Variants in PBRM1 observed in about 807,000 individuals in gnomAD.
The protein encoded by PBRM1 is polybromo 1, also known as protein polybromo-1.
Under a neutral mutation model 194.5 loss-of-function variants are expected in PBRM1, and 27 were observed. That is an observed-to-expected ratio of 0.14 (90% CI 0.10 to 0.19). The LOEUF (loss-of-function observed/expected upper bound fraction) is 0.19. Ranked by LOEUF, PBRM1 falls within the 10% of genes least tolerant of loss-of-function variation. PBRM1 has a pLI of 1.00. For missense variants in PBRM1, 1,466 were observed against 2,077.2 expected (o/e 0.71, Z 5.72); for synonymous variants, 655 against 693.2 (o/e 0.94, Z 0.87).
chr3:52,565,009 G>A (rs2084694160), intron 22 of PBRM1, among the ~76,000 whole-genome samples: 1 of 152,020 alleles, frequency 6.6e-6, no homozygotes, highest in Non-Finnish European at 1.5e-5. Flanking sequence ...ACCGTCCTTG[G>A]CCAACATGAT....
chr3:52,576,375 T>A (rs2153655699), intron 22 of PBRM1, among the ~76,000 whole-genome samples, 166 bp downstream of exon 24: 1 of 152,304 alleles, frequency 6.6e-6, no homozygotes, highest in Non-Finnish European at 1.5e-5. Flanking sequence ...TATTTATTTT[T>A]TAATTTATCG....
chr3:52,684,147 A>G, upstream of PBRM1, among the ~76,000 whole-genome samples: 1 of 139,656 alleles, frequency 7.2e-6, no homozygotes, highest in Non-Finnish European at 1.5e-5. Flanking sequence ...CAGCCTGGGC[A>G]ACAAAGTCAG....
At chr3:52,637,789 A>AAAAAAAAAAAAAAAAAAAAG (rs2095880128) in intron 10 of PBRM1, among the ~76,000 whole-genome samples, 1 of 146,206 alleles carries the variant, frequency 6.8e-6, no homozygotes, top group African/African-American at 2.5e-5. Flanking sequence ...AAAAAAAAAA[A>AAAAAAAAAAAAAAAAAAAAG]AAAAAAAATT....
chr3:52,604,548 C>A lies in PBRM1; in HGVS notation c.2568-816G>T, dbSNP rs143995457. On this transcript the variant is annotated intron_variant, in intron 16 of 29. Transcript: ENST00000296302. ...AGACGCTGTCTCAACAAAAAAGTAG[C>A]CTGGCATTGGGGTACACACTTGCAG... Among the ~76,000 whole-genome samples, 620 of 152,140 alleles carry A rather than the reference C, an allele frequency of 4.1e-3. 2 individuals are homozygous for A. Among genetic ancestry groups the A allele is most frequent in the Middle Eastern group, 0.01 (3 of 294 alleles).
intron 3 of PBRM1, among the ~76,000 whole-genome samples, chr3:52,665,206 G>A (rs931803286): frequency 6.6e-6 from 1 of 152,202 alleles, no homozygotes; most frequent in Non-Finnish European, 1.5e-5. Flanking sequence ...CCAGGCTGAA[G>A]TGCAGTGGCA....
intron 17 of PBRM1, among the ~76,000 whole-genome samples, chr3:52,593,234 G>A (rs1049262781): frequency 9.9e-5 from 15 of 152,042 alleles, no homozygotes; most frequent in African/African-American, 3.6e-4. Context: ...CTCCTATGAA[G>A]TTAGGTTGTT....
rs1341773121 is a variant in PBRM1 at position 52,675,975 on chromosome 3, C to T, written c.236+2525G>A. Among the ~76,000 whole-genome samples, 5 of 98,754 alleles carry T rather than the reference C, an allele frequency of 5.1e-5. 2 individuals are homozygous for T. The highest frequency in any genetic ancestry group is 4.7e-4 in the Admixed American group (4 of 8,582). The allele number at this position is 98,754 out of a possible 152,430, so 64.8% of individuals were successfully genotyped here. Reference sequence around the variant, plus strand: ...CTAAAAATACAAAAAATTAGCCGGGCGTAGTGGCGGGCGCCTGTAGTCCCA... The same window carrying T: ...CTAAAAATACAAAAAATTAGCCGGGTGTAGTGGCGGGCGCCTGTAGTCCCA... On this transcript the variant is annotated intron_variant, in intron 2 of 29. Coordinates refer to ENST00000296302, the Ensembl canonical transcript of PBRM1.
At chr3:52,572,225 G>A (rs575329178) in intron 22 of PBRM1, among the ~76,000 whole-genome samples, 4 of 150,898 alleles carry the variant, frequency 2.7e-5, no homozygotes, top group South Asian at 4.2e-4. Context: ...TTAATGAAAC[G>A]TTATAAAAAT....
In PBRM1 at chr3:52,609,410, T is replaced by C. The variant is rs758808260; in HGVS notation, c.2470A>G (p.Ile824Val). The change falls in exon 16 of 30, where the codon ATA (isoleucine) becomes GTA (valine). Residue 824 changes from isoleucine (I) to valine (V), a missense_variant. Ile to Val is a conservative substitution (Grantham distance 29). Transcript: ENST00000296302. The surrounding 1 kb of genome is among the most constrained non-coding windows in gnomAD (Gnocchi z 4.1). ...TTATTTTCAACATTCTTCCTAATTA[T>C]GTCAAATGTAAGGGGTGGTTTGTTA... The C allele has an allele frequency of 4.3e-6, 7 of 1,613,676 alleles. No individual in the cohort carries two copies. The highest frequency in any genetic ancestry group is 5.9e-6 in the Non-Finnish European group (7 of 1,179,658).
chr3:52,642,364 C>T lies in PBRM1; in HGVS notation c.996-319G>A, dbSNP rs2096125296. On this transcript the variant is annotated intron_variant, in intron 9 of 29. Coordinates refer to ENST00000296302, the Ensembl canonical transcript of PBRM1. Reference sequence around the variant, plus strand: ...GCGTGGTGGCTCATGCCTGTAATCCCAGCACTTTGGGAGGCCGAGGCAGGT... The same window carrying T: ...GCGTGGTGGCTCATGCCTGTAATCCTAGCACTTTGGGAGGCCGAGGCAGGT... Among the ~76,000 whole-genome samples the T allele has an allele frequency of 3.9e-5, 6 of 152,044 alleles. No homozygotes were observed. The South Asian group carries it at 1.2e-3, about 32-fold the overall frequency.
At chr3:52,615,637 T>C (rs547948623) in intron 14 of PBRM1, among the ~76,000 whole-genome samples, 181 bp from the exon 17 acceptor site, 42 of 152,316 alleles carry the variant, frequency 2.8e-4, no homozygotes, top group Admixed American at 6.5e-4. Flanking sequence ...AGGCCTTAAC[T>C]GGTTTGTTTT....
At chr3:52,591,526 T>G (rs1180177368) in intron 17 of PBRM1, among the ~76,000 whole-genome samples, 3 of 139,906 alleles carry the variant, frequency 2.1e-5, no homozygotes, top group East Asian at 2.0e-4. Flanking sequence ...TTTTTTTTTT[T>G]TTTTTTTTTT....
At chr3:52,685,116 C>T (rs2097289666) in intron 1 of PBRM1, among the ~76,000 whole-genome samples, 1 of 152,170 alleles carries the variant, frequency 6.6e-6, no homozygotes, top group South Asian at 2.1e-4. Context: ...ATTTCTATAT[C>T]CACTATACCG....
At chr3:52,685,892 C>T (rs1316558234), upstream of PBRM1, 5 of 628,768 alleles carry the variant, frequency 8.0e-6, no homozygotes, top group Non-Finnish European at 1.4e-5. Context: ...TCCCTTACCC[C>T]TCCCGGTGCC....
chr3:52,629,153 G>A, intron 11 of PBRM1, 118 bp from the exon 13 acceptor site: 1 of 705,142 alleles, frequency 1.4e-6, no homozygotes, highest in Non-Finnish European at 2.3e-6. Flanking sequence ...TGGTAATACT[G>A]ATTAGGAACT....
chr3:52,669,393 A>C (rs775227141), intron 2 of PBRM1, among the ~76,000 whole-genome samples: 17 of 152,216 alleles, frequency 1.1e-4, no homozygotes, highest in Admixed American at 6.5e-4. Context: ...TTAATTCCTT[A>C]AGTAATTTTA....
intron 20 of PBRM1, among the ~76,000 whole-genome samples, chr3:52,584,363 TG>T: frequency 6.6e-6 from 1 of 152,146 alleles, no homozygotes; most frequent in African/African-American, 2.4e-5. Flanking sequence ...CATTTACATA[TG>T]GATTTTGAAA....
chr3:52,660,199 C>T (rs948372022), intron 4 of PBRM1, among the ~76,000 whole-genome samples: 2 of 152,188 alleles, frequency 1.3e-5, no homozygotes, highest in African/African-American at 4.8e-5. Context: ...GTCCTAAATA[C>T]AGGCATTTTA....
chr3:52,583,548 G>GT (rs1304675194), intron 20 of PBRM1, among the ~76,000 whole-genome samples: 3 of 152,006 alleles, frequency 2.0e-5, no homozygotes, highest in Non-Finnish European at 4.4e-5. Context: ...ACTAATACAT[G>GT]TTTTTTGCTG....
Sources: allele counts gnomAD v4.1 joint callset (sites outside exome capture counted in the v4.1 genomes callset), GRCh38; gene constraint gnomAD v4.1.1; non-coding constraint Gnocchi (gnomAD v3.1); transcripts MANE v1.5; gene names NCBI Gene and HGNC (gene_info 2026-07-23, HGNC 2026-07-21).